Variants in CTNND2 observed in about 807,000 individuals in gnomAD.
CTNND2 encodes the protein catenin delta 2.
CTNND2 carries 22 observed loss-of-function variants against 144.4 expected under a neutral mutation model. The observed-to-expected ratio is 0.15, with a 90% CI of 0.11 to 0.22. CTNND2 has a LOEUF of 0.22. CTNND2 is among the 10% of genes least tolerant of loss of function. The pLI, the probability that CTNND2 is intolerant of heterozygous loss-of-function variation, is 1.00. For synonymous variants in CTNND2, 751 were observed against 695.6 expected (o/e 1.08, Z -1.25); for missense variants, 1,353 against 1,618.8 (o/e 0.84, Z 2.82).
intron 16 of CTNND2, among the ~76,000 whole-genome samples, chr5:11,025,302 G>A (rs1026447812): frequency 1.3e-5 from 2 of 152,126 alleles, no homozygotes; most frequent in Non-Finnish European, 2.9e-5. Context: ...ATTATGTGTT[G>A]AAAAATGCTG....
intron 9 of CTNND2, among the ~76,000 whole-genome samples, chr5:11,309,118 A>C (rs1750548469): frequency 6.6e-6 from 1 of 152,240 alleles, no homozygotes; most frequent in South Asian, 2.1e-4. Context: ...GGGCAGGGAC[A>C]CAAATTGAAA....
intron 5 of CTNND2, among the ~76,000 whole-genome samples, chr5:11,404,398 T>A (rs945555524): frequency 2.0e-5 from 3 of 152,064 alleles, no homozygotes; most frequent in Non-Finnish European, 2.9e-5. Flanking sequence ...CTGACTAGAA[T>A]GTAAATGCCA....
At chr5:11,505,987 T>C (rs1235249145) in intron 3 of CTNND2, among the ~76,000 whole-genome samples, 1 of 152,160 alleles carries the variant, frequency 6.6e-6, no homozygotes, top group Non-Finnish European at 1.5e-5. Context: ...CTCTTGCTCA[T>C]AACACCATGA....
At chr5:11,117,114 C>G (rs549903267) in intron 13 of CTNND2, among the ~76,000 whole-genome samples, 6 of 149,242 alleles carry the variant, frequency 4.0e-5, no homozygotes, top group Admixed American at 6.6e-5. Context: ...CTTGTCTTTT[C>G]TGTTGAAAGT....
At chr5:11,706,439 G>C (rs895996900) in intron 2 of CTNND2, among the ~76,000 whole-genome samples, 1 of 152,138 alleles carries the variant, frequency 6.6e-6, no homozygotes, top group Non-Finnish European at 1.5e-5. Context: ...TTTATTGGGG[G>C]AAATCTTATA....
intron 10 of CTNND2, among the ~76,000 whole-genome samples, chr5:11,214,081 T>C (rs1431790181): frequency 6.6e-6 from 1 of 152,184 alleles, no homozygotes; most frequent in Non-Finnish European, 1.5e-5. Context: ...ATAATTCAAA[T>C]AGCTACAGAT....
chr5:11,702,799 G>A (rs1785513541), intron 2 of CTNND2, among the ~76,000 whole-genome samples: 2 of 152,200 alleles, frequency 1.3e-5, no homozygotes, highest in African/African-American at 4.8e-5. Context: ...CACTTTGACT[G>A]CAATGCTTTC....
chr5:11,428,555 G>A (rs552532166), intron 3 of CTNND2, among the ~76,000 whole-genome samples: 1 of 152,282 alleles, frequency 6.6e-6, no homozygotes, highest in South Asian at 2.1e-4. Context: ...TGGACTGGGA[G>A]CACCTTGAGA....
intron 12 of CTNND2, among the ~76,000 whole-genome samples, chr5:11,130,555 T>C (rs951535442): frequency 5.3e-5 from 8 of 152,150 alleles, no homozygotes; most frequent in Admixed American, 1.3e-4. Context: ...AAGTTTCCCA[T>C]TGGGCTAAAT....
chr5:11,236,428 C>T (rs1741644487), intron 10 of CTNND2, among the ~76,000 whole-genome samples: 1 of 152,178 alleles, frequency 6.6e-6, no homozygotes, highest in African/African-American at 2.4e-5. Flanking sequence ...CCAAGTATGG[C>T]ATTTGACAAT....
intron 1 of CTNND2, among the ~76,000 whole-genome samples, chr5:11,818,698 A>C (rs1326544996): frequency 6.6e-6 from 1 of 152,124 alleles, no homozygotes; most frequent in South Asian, 2.1e-4. Context: ...GATATGCCCT[A>C]TTGTATCCAA....
At chr5:11,470,975 TATATA>T (rs1180068639) in intron 3 of CTNND2, among the ~76,000 whole-genome samples, 2 of 95,778 alleles carry the variant, frequency 2.1e-5, no homozygotes, top group African/African-American at 1.2e-4. Flanking sequence ...TATATATATA[TATATA>T]TTTTTTTTTT....
chr5:10,995,154 T>C, intron 18 of CTNND2, among the ~76,000 whole-genome samples: 1 of 152,264 alleles, frequency 6.6e-6, no homozygotes, highest in East Asian at 1.9e-4. Context: ...CATATAGATA[T>C]TATTTAAAGC....
chr5:11,679,732 G>T (rs897456790), intron 2 of CTNND2, among the ~76,000 whole-genome samples: 6 of 152,152 alleles, frequency 3.9e-5, no homozygotes, highest in African/African-American at 1.4e-4. Flanking sequence ...ACAGCATAAT[G>T]GTTTGTTGAA....
intron 1 of CTNND2, among the ~76,000 whole-genome samples, chr5:11,841,963 C>A (rs548599518): frequency 1.3e-4 from 20 of 151,866 alleles, no homozygotes; most frequent in Non-Finnish European, 2.5e-4. Context: ...TCTTTTTAAT[C>A]TGATAAAGCT....
intron 3 of CTNND2, among the ~76,000 whole-genome samples, chr5:11,477,613 C>T (rs1398706750): frequency 6.6e-6 from 1 of 152,094 alleles, no homozygotes; most frequent in African/African-American, 2.4e-5. Flanking sequence ...CAGGGTTTCA[C>T]TATGTTGCCC....
At chr5:11,414,829 T>C (rs1407888925) in intron 3 of CTNND2, among the ~76,000 whole-genome samples, 1 of 152,196 alleles carries the variant, frequency 6.6e-6, no homozygotes, top group South Asian at 2.1e-4. Flanking sequence ...TAGCTCCCAC[T>C]TGTAAGTGAG....
chr5:11,225,950 A>C (rs1429759494), intron 10 of CTNND2, among the ~76,000 whole-genome samples: 5 of 152,206 alleles, frequency 3.3e-5, no homozygotes, highest in Non-Finnish European at 7.3e-5. Context: ...ACACGCCTAG[A>C]GGAGATGGCC....
chr5:11,033,065 G>A lies in CTNND2; in HGVS notation c.2789-10086C>T, dbSNP rs560925933. 3.3e-5 allele frequency among the ~76,000 whole-genome samples: 5 copies of A among 152,290 alleles called. No homozygotes were observed. In the South Asian group the frequency reaches 8.3e-4, roughly 25 times the overall value. On this transcript the variant is annotated intron_variant, in intron 16 of 21. Transcript: ENST00000304623. ...TGGAAACTGGCTGAGGGATGCATAG[G>A]ACCCCTCCTTACTATCTTTGCAATT... is the stretch of plus-strand genomic sequence containing the variant.
Sources: allele counts gnomAD v4.1 joint callset (sites outside exome capture counted in the v4.1 genomes callset), GRCh38; gene constraint gnomAD v4.1.1; transcripts MANE v1.5; gene names NCBI Gene and HGNC (gene_info 2026-07-23, HGNC 2026-07-21).